SLIT2: variants seen among roughly 807,000 people sequenced by gnomAD.
The protein encoded by SLIT2 is slit homolog 2 protein.
In SLIT2, 41 loss-of-function variants were observed where a neutral mutation model predicts 185.7. That is an observed-to-expected ratio of 0.22 (90% confidence interval 0.17 to 0.29). The LOEUF (loss-of-function observed/expected upper bound fraction) is 0.29. Ranked by LOEUF, SLIT2 falls within the 10% of genes least tolerant of loss-of-function variation. The pLI, the probability that SLIT2 is intolerant of heterozygous loss-of-function variation, is 1.00. For missense variants in SLIT2, 1,571 were observed against 1,909.0 expected (o/e 0.82, Z 3.30); for synonymous variants, 693 against 680.2 (o/e 1.02, Z -0.29).
intron 23 of SLIT2, 91 bp downstream of exon 23, chr4:20,548,650 T>A (rs533089495): frequency 3.9e-6 from 3 of 762,468 alleles, no homozygotes; most frequent in African/African-American, 3.5e-5. Context: ...AACAAGACAG[T>A]CTCTACCCTC....
chr4:20,262,587 C>T (rs1000928501), intron 3 of SLIT2, among the ~76,000 whole-genome samples: 1 of 151,854 alleles, frequency 6.6e-6, no homozygotes, highest in Non-Finnish European at 1.5e-5. Context: ...TTTCTGGTAT[C>T]TTTCCACACA....
At position 20,389,901 on chromosome 4, in the gene SLIT2, T is replaced by C. The variant is rs1420233060; in HGVS notation, c.396-77851T>C. On this transcript the variant is annotated intron_variant, in intron 4 of 36. Transcript: ENST00000504154. ...AACAAGTATCTTCTCTTAGTTCTTA[T>C]CTGCTTGTGACCTTGGTTTTCCAAT... 2.0e-5 allele frequency among the ~76,000 whole-genome samples: 3 copies of C among 152,236 alleles called. No individual in the cohort carries two copies. In the South Asian group the frequency reaches 6.2e-4, roughly 32 times the overall value.
chr4:20,429,809 G>A (rs1313237695), intron 4 of SLIT2, among the ~76,000 whole-genome samples: 2 of 152,166 alleles, frequency 1.3e-5, no homozygotes, highest in Non-Finnish European at 2.9e-5. Context: ...ATAGCAGTGA[G>A]TGAAGAAGAG....
intron 4 of SLIT2, among the ~76,000 whole-genome samples, chr4:20,377,985 A>G (rs1480911926): frequency 1.3e-5 from 2 of 152,136 alleles, no homozygotes; most frequent in Non-Finnish European, 1.5e-5. Context: ...CTTGTGACCT[A>G]ATAATGTGGT....
intron 29 of SLIT2, among the ~76,000 whole-genome samples, chr4:20,569,622 TGTC>T (rs1577944402): frequency 6.6e-6 from 1 of 152,236 alleles, no homozygotes; most frequent in East Asian, 1.9e-4. Context: ...GTTTATGACT[TGTC>T]TGTTTTGTCA....
intron 19 of SLIT2, among the ~76,000 whole-genome samples, chr4:20,540,989 A>C (rs2148876822): frequency 6.6e-6 from 1 of 152,330 alleles, no homozygotes; most frequent in African/African-American, 2.4e-5. Flanking sequence ...TAAGAGATGG[A>C]AATCTTGAGA....
intron 6 of SLIT2, 33 bp downstream of exon 6, chr4:20,480,820 G>T: frequency 1.3e-6 from 2 of 1,519,922 alleles, no homozygotes; most frequent in African/African-American, 1.4e-5. Context: ...CTCTTTTAAC[G>T]GGGGCTTTGT....
intron 4 of SLIT2, among the ~76,000 whole-genome samples, chr4:20,337,486 C>T (rs907380021): frequency 5.3e-5 from 8 of 152,120 alleles, no homozygotes; most frequent in Admixed American, 1.3e-4. Context: ...GATTCAATTA[C>T]CTCCCACAAC....
intron 4 of SLIT2, among the ~76,000 whole-genome samples, chr4:20,464,942 CAGT>C (rs1714177296): frequency 6.6e-6 from 1 of 152,162 alleles, no homozygotes; most frequent in Non-Finnish European, 1.5e-5. Context: ...TTACCCAACT[CAGT>C]AGCCCTTGCA....
chr4:20,304,572 TAG>T (rs768401946), intron 4 of SLIT2, among the ~76,000 whole-genome samples: 100 of 152,266 alleles, frequency 6.6e-4, no homozygotes, highest in African/African-American at 2.3e-3. Context: ...GCTTACATGT[TAG>T]AGATGGTCTT....
At chr4:20,273,775 G>T (rs1270764848) in intron 4 of SLIT2, among the ~76,000 whole-genome samples, 1 of 152,154 alleles carries the variant, frequency 6.6e-6, no homozygotes, top group African/African-American at 2.4e-5. Context: ...ATGAAAGCAG[G>T]ATACAACAGA....
intron 4 of SLIT2, among the ~76,000 whole-genome samples, chr4:20,348,872 A>G (rs1226868384): frequency 2.0e-5 from 3 of 152,226 alleles, no homozygotes; most frequent in Non-Finnish European, 4.4e-5. Context: ...CAGAAATCCC[A>G]GTGAGAAGCC....
chr4:20,351,580 G>A lies in SLIT2; in HGVS notation c.395+82699G>A, dbSNP rs527711151. On this transcript the variant is annotated intron_variant, in intron 4 of 36. Coordinates refer to ENST00000504154, the MANE Select transcript of SLIT2 (RefSeq NM_004787.4). ...CCCAGGTTACTCAATTATCATTACTGCCAGGTGACAACCTCCACTTACAAA... is the reference window on the plus strand; with the variant it reads ...CCCAGGTTACTCAATTATCATTACTACCAGGTGACAACCTCCACTTACAAA... 3.2e-4 allele frequency among the ~76,000 whole-genome samples: 48 copies of A among 152,062 alleles called. No individual in the cohort carries two copies. In the South Asian group the frequency reaches 1.0e-2, roughly 32 times the overall value.
Position 20,598,495 on chromosome 4 carries a change from G to T in SLIT2, c.3692+100G>T, listed in dbSNP as rs951164941. On this transcript the variant is annotated intron_variant, in intron 33 of 36. Transcript: ENST00000504154. ...TTATGGAGAGGAGAGAGACTAAGTT[G>T]GCCCCAGCAGGTTTTAGGATGAGGG... 8.6e-6 allele frequency: 12 copies of T among 1,395,114 alleles called. No homozygotes were observed. In the Admixed American group the frequency reaches 2.2e-4, roughly 25 times the overall value. The allele number at this position is 1,395,114 out of a possible 1,614,324, so 86.4% of individuals were successfully genotyped here. A position where few individuals can be genotyped will look rare whatever the true frequency, so the allele number is the denominator to read the frequency against.
intron 21 of SLIT2, among the ~76,000 whole-genome samples, chr4:20,545,740 A>T (rs1723189590): frequency 6.6e-6 from 1 of 152,094 alleles, no homozygotes; most frequent in Non-Finnish European, 1.5e-5. Context: ...AAGCAAACTG[A>T]AGGCTGACTA....
chr4:20,542,378 A>G (rs1722873278), intron 20 of SLIT2, 116 bp from the exon 21 acceptor site: 1 of 978,422 alleles, frequency 1.0e-6, no homozygotes, highest in African/African-American at 1.6e-5. Flanking sequence ...CCGCAAATAA[A>G]TGATTATGTA....
At chr4:20,523,136 G>C (rs992102747) in intron 12 of SLIT2, among the ~76,000 whole-genome samples, 1 of 152,090 alleles carries the variant, frequency 6.6e-6, no homozygotes, top group African/African-American at 2.4e-5. Flanking sequence ...TTCAGACAAA[G>C]AATAGGAGAG....
At chr4:20,323,207 A>G (rs112379253) in intron 4 of SLIT2, among the ~76,000 whole-genome samples, 2 of 152,100 alleles carry the variant, frequency 1.3e-5, no homozygotes, top group Non-Finnish European at 2.9e-5. Context: ...TAAAAAATGT[A>G]TTGTAACCTT....
chr4:20,390,829 C>T (rs977134999), intron 4 of SLIT2, among the ~76,000 whole-genome samples: 1 of 150,726 alleles, frequency 6.6e-6, no homozygotes, highest in African/African-American at 2.4e-5. Flanking sequence ...ATAAAACAGA[C>T]CTTTGGTTTT....
Sources: gnomAD v4.1 joint callset for allele counts (sites outside exome capture counted in the v4.1 genomes callset) on GRCh38, gnomAD v4.1.1 for gene constraint, MANE v1.5 for transcripts, NCBI Gene and HGNC (gene_info 2026-07-23, HGNC 2026-07-21) for gene names.